Variants in BRSK1 observed in about 807,000 individuals in gnomAD.
BRSK1 encodes the protein serine/threonine-protein kinase BRSK1.
BRSK1 carries 17 observed loss-of-function variants against 86.2 expected under a neutral mutation model. The observed-to-expected ratio is 0.20, with a 90% CI of 0.14 to 0.30. The LOEUF is 0.30. Among genes scored for constraint, BRSK1 ranks in the 10% least tolerant of loss-of-function variants. BRSK1 has a pLI of 1.00. For synonymous variants in BRSK1, 464 were observed against 440.1 expected, an observed-to-expected ratio of 1.05 and a Z score of -0.68; for missense variants, 719 against 1,071.9, an observed-to-expected ratio of 0.67 and a Z score of 4.60.
At chr19:55,299,904 C>T (rs1384558680) in intron 7 of BRSK1, among the ~76,000 whole-genome samples, 1 of 152,120 alleles carries the variant, frequency 6.6e-6, no homozygotes, top group Non-Finnish European at 1.5e-5. Flanking sequence ...TGGGAGCTTG[C>T]AACACCCGGA....
At position 55,303,034 on chromosome 19, in the gene BRSK1, C is replaced by T. The variant is rs957943278; in HGVS notation, c.1028+167C>T. The T allele has an allele frequency of 9.7e-6, 8 of 821,416 alleles. No homozygotes were observed. Among genetic ancestry groups the T allele is most frequent in the Admixed American group, 5.9e-5 (2 of 34,152 alleles). 50.9% of individuals were successfully genotyped at this position (821,416 alleles called of 1,614,324 possible). On this transcript the variant is annotated intron_variant, in intron 10 of 18. Transcript: ENST00000309383. The surrounding 1 kb of genome is among the most constrained non-coding windows in gnomAD (Gnocchi z 5.1). ...CAGCGGAGAAAACGGCCCAGAAACACGCTGAGAAAGTATTAATAGATGCTG... is the reference window on the plus strand; with the variant it reads ...CAGCGGAGAAAACGGCCCAGAAACATGCTGAGAAAGTATTAATAGATGCTG...
chr19:55,289,312 A>G (rs1173163772), intron 3 of BRSK1, among the ~76,000 whole-genome samples, 168 bp from the exon 4 acceptor site: 1 of 152,064 alleles, frequency 6.6e-6, no homozygotes, highest in African/African-American at 2.4e-5. Context: ...GAATTAATGG[A>G]AACTGGAGTC....
At chr19:55,296,797 G>C (rs192565409) in intron 7 of BRSK1, among the ~76,000 whole-genome samples, 36 of 151,934 alleles carry the variant, frequency 2.4e-4, no homozygotes, top group African/African-American at 8.7e-4. Context: ...GCAGTGAGCC[G>C]AGATCATGCC....
chr19:55,308,366 G>GTACCTGGCTCCAA (rs2088697438), intron 17 of BRSK1, among the ~76,000 whole-genome samples: 1 of 152,022 alleles, frequency 6.6e-6, no homozygotes. Context: ...CATGGCCTCC[G>GTACCTGGCTCCAA]CTAGAAACTA....
rs187227403 is a variant in BRSK1, at chr19:55,287,611, C to T, written c.317+312C>T. Among the ~76,000 whole-genome samples, 76 of 152,380 alleles carry T rather than the reference C, an allele frequency of 5.0e-4. 1 individual carries two copies. The highest frequency in any genetic ancestry group is 1.7e-3 in the African/African-American group (72 of 41,596). On this transcript the variant is annotated intron_variant, in intron 3 of 18. Coordinates refer to ENST00000309383, the MANE Select transcript of BRSK1 (RefSeq NM_032430.2). This position sits in a 1 kb window ranked among gnomAD's most constrained non-coding sequence, Gnocchi z 5.3. ...GACAAGCAGGGTGCCCTCGACCAGA[C>T]CCAATCTGCTATGGGCAGATGCCTC...
rs755146799 is a variant in BRSK1 at position 55,303,123 on chromosome 19, A to T, written c.1029-188A>T. ...TTCTTGCCTGGATGTTAGGTGTTAC[A>T]GTGTTATTATAATTGAGTGAAACAC... is the stretch of plus-strand genomic sequence containing the variant. On this transcript the variant is annotated intron_variant, in intron 10 of 18. Transcript: ENST00000309383. The surrounding 1 kb of genome is among the most constrained non-coding windows in gnomAD (Gnocchi z 5.1). 1.6e-6 allele frequency: 1 copy of T among 634,464 alleles called. No homozygotes were observed. Among genetic ancestry groups the T allele is most frequent in the Non-Finnish European group, 2.7e-6 (1 of 367,594 alleles). 39.3% of individuals were successfully genotyped at this position (634,464 alleles called of 1,614,324 possible).
intron 1 of BRSK1, among the ~76,000 whole-genome samples, chr19:55,285,314 G>C (rs930664605): frequency 1.3e-5 from 2 of 152,030 alleles, no homozygotes; most frequent in African/African-American, 4.8e-5. Context: ...TTGAGTGTTG[G>C]GACAGGGAGT....
chr19:55,299,134 G>C (rs1237925644), intron 7 of BRSK1, among the ~76,000 whole-genome samples: 1 of 152,102 alleles, frequency 6.6e-6, no homozygotes, highest in Non-Finnish European at 1.5e-5. Flanking sequence ...CCGGGCTACA[G>C]TGCTAGACTC....
At chr19:55,300,999 CAT>C (rs200907269) in intron 7 of BRSK1, among the ~76,000 whole-genome samples, 1,907 of 152,348 alleles carry the variant, frequency 0.013, 130 homozygotes, top group Admixed American at 0.11. Flanking sequence ...TCCGTCATCA[CAT>C]GACTGTTCTC....
At chr19:55,290,211 G>A (rs550299365) in intron 4 of BRSK1, among the ~76,000 whole-genome samples, 17 of 152,258 alleles carry the variant, frequency 1.1e-4, no homozygotes, top group Non-Finnish European at 1.8e-4. Context: ...GGCCAGGCTG[G>A]TCTCGAACTC....
Position 55,302,188 on chromosome 19 carries a change from A to G in BRSK1, c.857+20A>G. On this transcript the variant is annotated intron_variant, in intron 9 of 18. Coordinates refer to ENST00000309383, the MANE Select transcript of BRSK1 (RefSeq NM_032430.2). The surrounding 1 kb of genome is among the most constrained non-coding windows in gnomAD (Gnocchi z 6.3). ...GTACCTGTGAGTATGGGGTAACTGGACTCTTGGGTCCCTGGCGGAAATAGG... is the reference window on the plus strand; with the variant it reads ...GTACCTGTGAGTATGGGGTAACTGGGCTCTTGGGTCCCTGGCGGAAATAGG... 1.9e-6 allele frequency: 3 copies of G among 1,613,318 alleles called. No homozygotes were observed. Among genetic ancestry groups the G allele is most frequent in the Non-Finnish European group, 2.5e-6 (3 of 1,179,768 alleles).
rs1380498032 is a variant in BRSK1 at position 55,304,159 on chromosome 19, C to T, written c.1347+49C>T. On this transcript the variant is annotated intron_variant, in intron 13 of 18. Transcript: ENST00000309383. The surrounding 1 kb of genome is among the most constrained non-coding windows in gnomAD (Gnocchi z 5.2). The stretch of plus-strand genomic sequence containing the variant: ...TTTAAGAAGGAGAAAGGGGTGGAGA[C>T]ATGGAGCAAAGATTGAGTAGCAGAA... 33 of 1,544,658 alleles carry T rather than the reference C, an allele frequency of 2.1e-5. No individual in the cohort carries two copies. The highest frequency in any genetic ancestry group is 2.9e-5 in the Non-Finnish European group (33 of 1,131,434).
In BRSK1 at chr19:55,284,121, G is replaced by A. The variant is rs970311575; in HGVS notation, c.-322G>A. The stretch of plus-strand genomic sequence containing the variant: ...GGGACCTCGGCCTGCAGCATCCGCC[G>A]GCCCGCACCTCAGACCCCCCCGGCG... On this transcript the variant is annotated 5_prime_UTR_variant, in exon 1 of 19. Transcript: ENST00000309383. The A allele has an allele frequency of 1.8e-5, 22 of 1,198,552 alleles. No homozygotes were observed. Among genetic ancestry groups the A allele is most frequent in the Non-Finnish European group, 2.3e-5 (22 of 958,488 alleles). The allele number at this position is 1,198,552 out of a possible 1,614,324, so 74.2% of individuals were successfully genotyped here.
chr19:55,284,462 A>G lies in BRSK1; in HGVS notation c.20A>G (p.Glu7Gly). The G allele has an allele frequency of 2.3e-6, 3 of 1,305,476 alleles. No individual in the cohort carries two copies. Among genetic ancestry groups the G allele is most frequent in the Non-Finnish European group, 3.0e-6 (3 of 1,005,482 alleles). The allele number at this position is 1,305,476 out of a possible 1,614,324, so 80.9% of individuals were successfully genotyped here. MSSGAKEGGGGSPAYHL... is the reference protein window; with the variant it reads MSSGAKGGGGGSPAYHL... ...GGCACCATGTCGTCCGGGGCCAAGG[A>G]GGGAGGTGGGGGCTCTCCCGCCTAC... The change falls in exon 1 of 19, where the codon GAG becomes GGG. Residue 7 changes from glutamate to glycine, a missense_variant. Coordinates refer to ENST00000309383, the MANE Select transcript of BRSK1 (RefSeq NM_032430.2).
chr19:55,312,189 T>A lies in BRSK1; in HGVS notation c.*121T>A. 1 of 528,038 alleles carries A rather than the reference T, an allele frequency of 1.9e-6. No homozygotes were observed. Among genetic ancestry groups the A allele is most frequent in the South Asian group, 2.9e-5 (1 of 34,904 alleles). The allele number at this position is 528,038 out of a possible 1,614,324, so 32.7% of individuals were successfully genotyped here. ...AGGGGGGTGGACACAAAAACCGGCC[T>A]TGCCCTGCAGGGATGGGGCTCCACA... is the stretch of plus-strand genomic sequence containing the variant. On this transcript the variant is annotated 3_prime_UTR_variant, in exon 19 of 19. Transcript: ENST00000309383.
In BRSK1 at chr19:55,311,799, G is replaced by A. The variant is rs1346960149; in HGVS notation, c.2180-112G>A. ...GGCCTTATCAGGGATTGGAGCTAGA[G>A]CCTCGGGGTTACTGAGACCGACTGA... On this transcript the variant is annotated intron_variant, in intron 18 of 18. Transcript: ENST00000309383. The A allele has an allele frequency of 5.2e-6, 6 of 1,143,442 alleles. No homozygotes were observed. In the African/African-American group the frequency reaches 9.4e-5, roughly 18 times the overall value. 70.8% of individuals were successfully genotyped at this position (1,143,442 alleles called of 1,614,324 possible). A position where few individuals can be genotyped will look rare whatever the true frequency, so the allele number is the denominator to read the frequency against.
In BRSK1 at chr19:55,287,138, G is replaced by A. The variant is rs760266753; in HGVS notation, c.231+37G>A. Reference sequence around the variant, plus strand: ...TGCTGCAGTGTGCCTGCGGGTGGGGGGGCCTCCGGGGCTGAGGGCAGGGGC... The same window carrying A: ...TGCTGCAGTGTGCCTGCGGGTGGGGAGGCCTCCGGGGCTGAGGGCAGGGGC... On this transcript the variant is annotated intron_variant, in intron 2 of 18. Transcript: ENST00000309383. This position sits in a 1 kb window ranked among gnomAD's most constrained non-coding sequence, Gnocchi z 5.3. 7.4e-6 allele frequency: 12 copies of A among 1,612,366 alleles called. No homozygotes were observed. Among genetic ancestry groups the A allele is most frequent in the African/African-American group, 6.7e-5 (5 of 74,782 alleles).
In BRSK1 at chr19:55,304,965, G is replaced by A. The variant is rs766858117; in HGVS notation, c.1717+45G>A. 6.3e-7 allele frequency: 1 copy of A among 1,593,514 alleles called. No individual in the cohort carries two copies. The highest frequency in any genetic ancestry group is 8.5e-7 in the Non-Finnish European group (1 of 1,176,940). On this transcript the variant is annotated intron_variant, in intron 14 of 18. Transcript: ENST00000309383. The surrounding 1 kb of genome is among the most constrained non-coding windows in gnomAD (Gnocchi z 5.2). ...CGAGTCCTAATGTGGGGAGAGGTTG[G>A]GGCTAAAAATCTGGTTCCAGGGATG...
At chr19:55,305,292 G>A (rs1172421932) in intron 14 of BRSK1, 29 bp from the exon 15 acceptor site, 1 of 1,613,374 alleles carries the variant, frequency 6.2e-7, no homozygotes, top group Admixed American at 1.7e-5. Context: ...CACAGGTGTT[G>A]ACCACGTTCT....
Sources: gnomAD v4.1 joint callset for allele counts (sites outside exome capture counted in the v4.1 genomes callset) on GRCh38, gnomAD v4.1.1 for gene constraint, Gnocchi (gnomAD v3.1) non-coding constraint, MANE v1.5 for transcripts, NCBI Gene and HGNC (gene_info 2026-07-23, HGNC 2026-07-21) for gene names.